CEP295: variants seen among roughly 807,000 people sequenced by gnomAD.
The protein encoded by CEP295 is centrosomal protein 295, also known as centrosomal protein of 295 kDa.
Under a neutral mutation model 291.6 loss-of-function variants are expected in CEP295, and 190 were observed. That is an observed-to-expected ratio of 0.65 (90% CI 0.58 to 0.73). The LOEUF is 0.73. Ranked by LOEUF, CEP295 falls within the 30% of genes least tolerant of loss-of-function variation. CEP295 has a pLI of 0.00. For missense variants in CEP295, 2,863 were observed against 2,949.4 expected (o/e 0.97, Z 0.68); for synonymous variants, 993 against 1,038.8 (o/e 0.96, Z 0.85).
At position 93,729,661 on chromosome 11, in the gene CEP295, T is replaced by C; in HGVS notation, c.7447T>C (p.Phe2483Leu). The change falls in exon 27 of 30, where the codon TTT (phenylalanine) becomes CTT (leucine). Residue 2483 changes from phenylalanine to leucine, a missense_variant. Physicochemically the swap from Phe to Leu is conservative, Grantham distance 22. Transcript: ENST00000325212. The part of the protein sequence containing the change: ...TPVPGSLQEA[F>L]IKRKKSFMER... ...TGTACCAGGGAGCTTACAAGAAGCATTTATAAAGAGGAAAAAATCATTTAT... is the reference window on the plus strand; with the variant it reads ...TGTACCAGGGAGCTTACAAGAAGCACTTATAAAGAGGAAAAAATCATTTAT... 6.4e-7 allele frequency: 1 copy of C among 1,551,008 alleles called. No individual in the cohort carries two copies.
rs1425325545 is a variant in CEP295 at position 93,687,863 on chromosome 11, A to G, written c.1334A>G (p.Gln445Arg). ...AGAACGTTATCCTCTGGGCAGGAAC[A>G]AGGTATTTCTCTCCAAGAGTCTCAT... The part of the protein sequence containing the change: ...KERTLSSGQE[Q>R]VVESDTLTIE... Residue 445 changes from glutamine to arginine, a missense_variant and splice_region_variant, in exon 10 of 30, where the codon CAA becomes CGA. Transcript: ENST00000325212. 6.5e-7 allele frequency: 1 copy of G among 1,543,876 alleles called. No homozygotes were observed. The highest frequency in any genetic ancestry group is 8.7e-7 in the Non-Finnish European group (1 of 1,143,068).
At chr11:93,729,301 G>C (rs531709757) in intron 25 of CEP295, 133 bp from the exon 26 acceptor site, 4 of 652,500 alleles carry the variant, frequency 6.1e-6, no homozygotes, top group African/African-American at 5.5e-5. Context: ...CATGGTGGCG[G>C]GTCTCTGTAG....
At chr11:93,700,890 T>G (rs1952115131) in intron 15 of CEP295, among the ~76,000 whole-genome samples, 1 of 152,182 alleles carries the variant, frequency 6.6e-6, no homozygotes, top group Admixed American at 6.5e-5. Context: ...TACCATCTTT[T>G]TTCTCAAGTG....
At chr11:93,686,928 T>TA (rs1173013823) in intron 9 of CEP295, among the ~76,000 whole-genome samples, 1 of 152,244 alleles carries the variant, frequency 6.6e-6, no homozygotes. Flanking sequence ...TTCAACCTCT[T>TA]AAAGATATTC....
chr11:93,665,666 T>G (rs1950175619), intron 1 of CEP295, among the ~76,000 whole-genome samples: 1 of 152,094 alleles, frequency 6.6e-6, no homozygotes, highest in Non-Finnish European at 1.5e-5. Context: ...CAAGATTGTG[T>G]CATTGCACTC....
intron 25 of CEP295, 41 bp downstream of exon 25, chr11:93,728,862 A>G (rs1201062517): frequency 1.3e-6 from 2 of 1,494,618 alleles, no homozygotes; most frequent in Admixed American, 4.4e-5. Flanking sequence ...TATTACAAGC[A>G]AACCAGTTGA....
chr11:93,724,722 G>C (rs184924978), intron 22 of CEP295, among the ~76,000 whole-genome samples: 3 of 151,908 alleles, frequency 2.0e-5, no homozygotes, highest in African/African-American at 7.3e-5. Flanking sequence ...AGCTGAGATC[G>C]TGCCACTACA....
Position 93,687,870 on chromosome 11 carries a change from T to C in CEP295, c.1336+5T>C. ...TATCCTCTGGGCAGGAACAAGGTAT[T>C]TCTCTCCAAGAGTCTCATTTTCTAT... On this transcript the variant is annotated splice_donor_5th_base_variant and intron_variant, in intron 10 of 29. Coordinates refer to ENST00000325212, the MANE Select transcript of CEP295 (RefSeq NM_033395.2). The C allele has an allele frequency of 6.5e-7, 1 of 1,540,392 alleles. No homozygotes were observed. The highest frequency in any genetic ancestry group is 8.8e-7 in the Non-Finnish European group (1 of 1,140,866).
In CEP295 at chr11:93,698,224, GGTT is replaced by G; in HGVS notation, c.3316_3318del (p.Val1106del). 6.4e-7 allele frequency: 1 copy of G among 1,551,824 alleles called. No homozygotes were observed. Among genetic ancestry groups the G allele is most frequent in the Non-Finnish European group, 8.7e-7 (1 of 1,147,014 alleles). ...TGGTGAGCTCTTCATCCTCACCAGT[GGTT>G]GTTCAGCATTCAGTTGCTTCACAAG... On this transcript the variant is annotated inframe_deletion, in exon 15 of 30. Transcript: ENST00000325212.
intron 25 of CEP295, 121 bp downstream of exon 25, chr11:93,728,942 AC>A (rs1305325478): frequency 3.9e-6 from 3 of 762,576 alleles, no homozygotes; most frequent in Non-Finnish European, 6.0e-6. Context: ...CTAAGCCGAC[AC>A]CCCCACCAGC....
At chr11:93,683,171 A>G (rs559234378) in intron 7 of CEP295, among the ~76,000 whole-genome samples, 1 of 152,360 alleles carries the variant, frequency 6.6e-6, no homozygotes, top group African/African-American at 2.4e-5. Context: ...GAACTGGAAC[A>G]AAGTACATCA....
intron 18 of CEP295, among the ~76,000 whole-genome samples, chr11:93,718,938 G>A (rs776599237): frequency 1.9e-4 from 29 of 152,214 alleles, no homozygotes; most frequent in Non-Finnish European, 3.4e-4. Flanking sequence ...GTGAAACCCC[G>A]TCTCTACTAA....
chr11:93,704,257 G>A (rs1952381168), intron 17 of CEP295, among the ~76,000 whole-genome samples: 1 of 152,084 alleles, frequency 6.6e-6, no homozygotes, highest in Non-Finnish European at 1.5e-5. Flanking sequence ...TGAAAAAAAA[G>A]CTGTAATGTT....
intron 18 of CEP295, among the ~76,000 whole-genome samples, chr11:93,708,315 A>G (rs1952656954): frequency 6.6e-6 from 1 of 152,074 alleles, no homozygotes; most frequent in South Asian, 2.1e-4. Flanking sequence ...TACGCTTCCC[A>G]GCCTCTGATA....
In CEP295 at chr11:93,691,936, A is replaced by C; in HGVS notation, c.1439A>C (p.Glu480Ala). ...TGGGGCATTCCCCTAGAAATAAATG[A>C]GACTCTGCCTATCACAACTGTAGCT... ...TNSGKEQEINETLPITTVAQS... is the reference protein window; with the variant it reads ...TNSGKEQEINATLPITTVAQS... The change falls in exon 12 of 30, where the codon GAG (glutamate) becomes GCG (alanine). Residue 480 changes from glutamate to alanine, a missense_variant. Coordinates refer to ENST00000325212, the MANE Select transcript of CEP295 (RefSeq NM_033395.2). 6.5e-7 allele frequency: 1 copy of C among 1,537,736 alleles called. No homozygotes were observed. Among genetic ancestry groups the C allele is most frequent in the Admixed American group, 2.0e-5 (1 of 50,050 alleles).
At chr11:93,686,286 T>C (rs562762776) in intron 9 of CEP295, among the ~76,000 whole-genome samples, 3 of 150,624 alleles carry the variant, frequency 2.0e-5, no homozygotes, top group Admixed American at 2.0e-4. Flanking sequence ...ACCACTGCAC[T>C]CCAGCCTGGG....
intron 9 of CEP295, 114 bp downstream of exon 9, chr11:93,684,242 C>T: frequency 1.4e-6 from 1 of 738,558 alleles, no homozygotes; most frequent in Non-Finnish European, 2.2e-6. Flanking sequence ...ATGAGTAATA[C>T]TGATGGGAGC....
At chr11:93,708,359 G>A (rs1035802677) in intron 18 of CEP295, among the ~76,000 whole-genome samples, 1 of 152,124 alleles carries the variant, frequency 6.6e-6, no homozygotes, top group African/African-American at 2.4e-5. Flanking sequence ...CGTGAGTTCA[G>A]TTGTCTTAAT....
intron 13 of CEP295, 129 bp from the exon 14 acceptor site, chr11:93,696,191 A>G (rs1951836329): frequency 3.4e-6 from 2 of 595,542 alleles, no homozygotes; most frequent in Non-Finnish European, 5.8e-6. Context: ...TTTCTTACTA[A>G]TGGAAATGCC....
Sources: allele counts gnomAD v4.1 joint callset (sites outside exome capture counted in the v4.1 genomes callset), GRCh38; gene constraint gnomAD v4.1.1; transcripts MANE v1.5; gene names NCBI Gene and HGNC (gene_info 2026-07-23, HGNC 2026-07-21).